Variants in PPP6R2 observed in about 807,000 individuals in gnomAD.
PPP6R2 encodes serine/threonine-protein phosphatase 6 regulatory subunit 2.
Under a neutral mutation model 100.2 loss-of-function variants are expected in PPP6R2, and 62 were observed. The observed-to-expected ratio is 0.62, with a 90% CI of 0.50 to 0.76. The LOEUF (loss-of-function observed/expected upper bound fraction) is 0.76. Among genes scored for constraint, PPP6R2 ranks in the 30% least tolerant of loss-of-function variants. The pLI is 0.00. For missense variants in PPP6R2, 1,142 were observed against 1,276.3 expected (o/e 0.89, Z 1.60); for synonymous variants, 525 against 514.7 (o/e 1.02, Z -0.27).
chr22:50,392,433 T>C (rs1369415651), intron 2 of PPP6R2, among the ~76,000 whole-genome samples: 1 of 151,930 alleles, frequency 6.6e-6, no homozygotes, highest in Non-Finnish European at 1.5e-5. Context: ...CAAAGCAGCT[T>C]CATTTTGGGG....
At chr22:50,414,489 G>T in intron 4 of PPP6R2, 63 bp from the exon 5 acceptor site, 1 of 1,563,964 alleles carries the variant, frequency 6.4e-7, no homozygotes, top group Non-Finnish European at 8.7e-7. Flanking sequence ...AGAGTTTTTG[G>T]AGGAGGTGTC....
chr22:50,354,661 A>C (rs1285435276), intron 1 of PPP6R2, among the ~76,000 whole-genome samples: 2 of 151,734 alleles, frequency 1.3e-5, no homozygotes, highest in Non-Finnish European at 2.9e-5. Context: ...CCCTGTCTGT[A>C]CTAAAAATAC....
chr22:50,370,333 G>T (rs1213275626), intron 1 of PPP6R2, among the ~76,000 whole-genome samples: 1 of 152,148 alleles, frequency 6.6e-6, no homozygotes, highest in Non-Finnish European at 1.5e-5. Context: ...TGTCACCAGG[G>T]CTGGAGTGCA....
At chr22:50,394,174 G>A (rs772348740) in intron 3 of PPP6R2, 39 bp downstream of exon 3, 25 of 1,603,838 alleles carry the variant, frequency 1.6e-5, no homozygotes, top group Admixed American at 3.3e-5. Context: ...ACGCCAGGCA[G>A]TGCTGCAGGC....
intron 6 of PPP6R2, among the ~76,000 whole-genome samples, chr22:50,418,542 A>G (rs2060861781): frequency 6.6e-6 from 1 of 151,872 alleles, no homozygotes; most frequent in Admixed American, 6.6e-5. Context: ...ACCCGCCACC[A>G]CGCCCGGCTA....
intron 10 of PPP6R2, among the ~76,000 whole-genome samples, chr22:50,428,199 G>A (rs548850811): frequency 2.6e-5 from 4 of 152,298 alleles, no homozygotes; most frequent in African/African-American, 4.8e-5. Context: ...GCAGTGTTTT[G>A]TAGTTTTCAG....
At chr22:50,372,647 A>G (rs990410713) in intron 2 of PPP6R2, among the ~76,000 whole-genome samples, 2 of 151,862 alleles carry the variant, frequency 1.3e-5, no homozygotes, top group African/African-American at 4.8e-5. Flanking sequence ...GATGCTCTGC[A>G]TGTTTTTGAG....
chr22:50,357,924 C>A (rs749388780), intron 1 of PPP6R2, among the ~76,000 whole-genome samples: 2 of 151,912 alleles, frequency 1.3e-5, no homozygotes, highest in African/African-American at 4.8e-5. Flanking sequence ...GCACCTGGCA[C>A]CTGGCCCCTG....
At chr22:50,410,745 T>C (rs2059630264) in intron 4 of PPP6R2, among the ~76,000 whole-genome samples, 1 of 152,270 alleles carries the variant, frequency 6.6e-6, no homozygotes, top group African/African-American at 2.4e-5. Flanking sequence ...ACTGGTGTTT[T>C]AGAAAATGTC....
Position 50,438,700 on chromosome 22 carries a change from G to C in PPP6R2, c.2066G>C (p.Gly689Ala), listed in dbSNP as rs780498047. ...TTGGAAGCACACAGAGATGCACCTG[G>C]GGCAGGTGCCCCACCGGCCCCCGGG... Reference protein sequence around the residue: ...ASLEAHRDAPGAGAPPAPGKK... With the variant: ...ASLEAHRDAPAAGAPPAPGKK... The change falls in exon 19 of 24, where the codon GGG becomes GCG. Residue 689 changes from glycine to alanine, a missense_variant. By Grantham distance (60) the Gly-to-Ala change is moderately conservative. Around this residue, in one of 2 missense-constraint regions of PPP6R2, gnomAD observed 550 missense variants for 517.4 expected, o/e 1.06. Coordinates refer to ENST00000612753, the MANE Select transcript of PPP6R2 (RefSeq NM_001242898.2). The C allele has an allele frequency of 9.3e-6, 15 of 1,613,584 alleles. No individual in the cohort carries two copies. The highest frequency in any genetic ancestry group is 3.3e-4 in the Middle Eastern group (2 of 6,082).
chr22:50,381,361 CA>C (rs2052952461), intron 2 of PPP6R2, among the ~76,000 whole-genome samples: 1 of 78,588 alleles, frequency 1.3e-5, no homozygotes, highest in African/African-American at 7.4e-5. Flanking sequence ...GGCCCCACCT[CA>C]GCACCACACG....
chr22:50,350,667 AACCCCGTCTCT>A (rs1299602235), intron 1 of PPP6R2, among the ~76,000 whole-genome samples: 1 of 151,710 alleles, frequency 6.6e-6, no homozygotes, highest in East Asian at 2.0e-4. Flanking sequence ...AACACGGTGA[AACCCCGTCTCT>A]ACTAAAAATT....
chr22:50,418,749 A>G (rs529796319), intron 6 of PPP6R2, 118 bp from the exon 7 acceptor site: 1 of 779,692 alleles, frequency 1.3e-6, no homozygotes, highest in South Asian at 1.6e-5. Context: ...TTGAACAACA[A>G]CGAAAGTCTA....
chr22:50,368,596 A>T (rs760220060), intron 1 of PPP6R2, among the ~76,000 whole-genome samples: 8 of 152,150 alleles, frequency 5.3e-5, no homozygotes, highest in Non-Finnish European at 1.0e-4. Flanking sequence ...AACTATTCTT[A>T]CTTTATATAT....
upstream of PPP6R2, among the ~76,000 whole-genome samples, chr22:50,339,773 A>G (rs1446661845): frequency 1.6e-3 from 80 of 49,624 alleles, no homozygotes; most frequent in South Asian, 4.1e-3. Context: ...TGTGTGTGGT[A>G]TGTGGTGTGT....
At position 50,422,308 on chromosome 22, in the gene PPP6R2, C is replaced by G; in HGVS notation, c.900C>G (p.Val300=). ...AGGGACTGGAAAGGTCATACGCTGT[C>G]AGCAGCAGCGTACTACACGGCATCG... ...FSQGLERSYA[V]SSSVLHGIEP... Residue 300 remains valine (V), a synonymous_variant, in exon 9 of 24, where the codon GTC becomes GTG. Coordinates refer to ENST00000612753, the MANE Select transcript of PPP6R2 (RefSeq NM_001242898.2). The G allele has an allele frequency of 1.2e-6, 2 of 1,614,038 alleles. No individual in the cohort carries two copies. The highest frequency in any genetic ancestry group is 1.7e-6 in the Non-Finnish European group (2 of 1,179,922).
intron 2 of PPP6R2, among the ~76,000 whole-genome samples, chr22:50,391,078 C>T (rs560775483): frequency 1.1e-3 from 164 of 151,368 alleles, no homozygotes; most frequent in African/African-American, 3.9e-3. Context: ...GAGGCCAAGG[C>T]GCTTGAGGCC....
At chr22:50,419,166 C>A (rs568782566) in intron 7 of PPP6R2, among the ~76,000 whole-genome samples, 183 bp from the exon 8 acceptor site, 2 of 152,362 alleles carry the variant, frequency 1.3e-5, no homozygotes, top group South Asian at 4.1e-4. Context: ...AGAGGAGTCA[C>A]CTGGTGGGTC....
At chr22:50,412,897 G>A (rs1285878203) in intron 4 of PPP6R2, among the ~76,000 whole-genome samples, 1 of 150,416 alleles carries the variant, frequency 6.6e-6, no homozygotes, top group Admixed American at 6.6e-5. Context: ...CACCTGCCTC[G>A]TCCTCCCAAA....
Sources: gnomAD v4.1 joint callset for allele counts (sites outside exome capture counted in the v4.1 genomes callset) on GRCh38, gnomAD v4.1.1 for gene constraint, gnomAD v4.1.1 regional missense constraint, MANE v1.5 for transcripts, NCBI Gene and HGNC (gene_info 2026-07-23, HGNC 2026-07-21) for gene names.